Variants in FSTL5 observed in about 807,000 individuals in gnomAD.
The protein encoded by FSTL5 is follistatin-related protein 5.
Under a neutral mutation model 89.1 loss-of-function variants are expected in FSTL5, and 62 were observed. The observed-to-expected ratio is 0.70, with a 90% CI of 0.57 to 0.86. The LOEUF is 0.86. FSTL5 is among the 40% of genes least tolerant of loss of function. The probability of loss-of-function intolerance (pLI) is 0.00; values close to 1 mark genes in which losing one functional copy is unlikely to be tolerated. For synonymous variants in FSTL5, 383 were observed against 346.2 expected (o/e 1.11, Z -1.18); for missense variants, 1,057 against 1,001.6 (o/e 1.06, Z -0.75).
chr4:161,681,913 C>A (rs1737538743), intron 6 of FSTL5, among the ~76,000 whole-genome samples: 1 of 152,056 alleles, frequency 6.6e-6, no homozygotes, highest in Non-Finnish European at 1.5e-5. Context: ...GTAATTTCAT[C>A]TTTGTGTGAA....
At chr4:161,747,525 G>A (rs1047518576) in intron 6 of FSTL5, among the ~76,000 whole-genome samples, 3 of 152,098 alleles carry the variant, frequency 2.0e-5, no homozygotes, top group Admixed American at 6.5e-5. Context: ...TTCTCTAGAC[G>A]GTACCTGCAA....
intron 4 of FSTL5, among the ~76,000 whole-genome samples, chr4:161,779,819 A>ATATATG (rs1741588853): frequency 1.3e-5 from 1 of 79,908 alleles, no homozygotes; most frequent in East Asian, 3.4e-4. Context: ...ATGTATATAT[A>ATATATG]TATATATATA....
chr4:161,724,461 C>T (rs1169619039), intron 6 of FSTL5, among the ~76,000 whole-genome samples: 1 of 151,908 alleles, frequency 6.6e-6, no homozygotes, highest in South Asian at 2.1e-4. Context: ...TGTATATATA[C>T]AAAATAGTTG....
At chr4:161,941,068 G>C (rs1734567923) in intron 3 of FSTL5, among the ~76,000 whole-genome samples, 1 of 151,724 alleles carries the variant, frequency 6.6e-6, no homozygotes, top group African/African-American at 2.4e-5. Context: ...TACTATTAAG[G>C]CTATGATGAT....
At chr4:161,835,280 TAC>T (rs1467906983) in intron 4 of FSTL5, among the ~76,000 whole-genome samples, 4 of 152,074 alleles carry the variant, frequency 2.6e-5, no homozygotes, top group Non-Finnish European at 5.9e-5. Flanking sequence ...ATCCCTTCCT[TAC>T]ACCTTATACA....
At chr4:161,436,332 C>G (rs1377380758) in intron 15 of FSTL5, among the ~76,000 whole-genome samples, 1 of 152,166 alleles carries the variant, frequency 6.6e-6, no homozygotes. Flanking sequence ...TTTCTTCTAA[C>G]TTTTAGGGAG....
intron 3 of FSTL5, among the ~76,000 whole-genome samples, chr4:161,976,701 C>T (rs10023884): frequency 0.25 from 38,126 of 151,874 alleles, 5,717 homozygotes; most frequent in African/African-American, 0.42. Flanking sequence ...CAGGATGGTC[C>T]TGATCTCCTG....
At chr4:161,947,393 A>C (rs1001874404) in intron 3 of FSTL5, among the ~76,000 whole-genome samples, 2 of 152,238 alleles carry the variant, frequency 1.3e-5, no homozygotes, top group East Asian at 3.9e-4. Flanking sequence ...TTTTAAGACT[A>C]TGATACATCT....
rs559342512 is a variant in FSTL5, at chr4:161,528,978, T to C, written c.1312+9188A>G. Among the ~76,000 whole-genome samples, 4 of 143,474 alleles carry C rather than the reference T, an allele frequency of 2.8e-5. 1 individual carries two copies. The highest frequency in any genetic ancestry group is 4.8e-4 in the South Asian group (2 of 4,180). 94.1% of individuals were successfully genotyped at this position (143,474 alleles called of 152,430 possible). On this transcript the variant is annotated intron_variant, in intron 10 of 15. Coordinates refer to ENST00000306100, the MANE Select transcript of FSTL5 (RefSeq NM_020116.5). The stretch of plus-strand genomic sequence containing the variant: ...AAATTTCATCATCATCATCAACTTA[T>C]CCTAAAATAAATTAGTCACATTGGC...
intron 4 of FSTL5, among the ~76,000 whole-genome samples, chr4:161,911,825 C>T (rs1249029101): frequency 6.6e-6 from 1 of 152,100 alleles, no homozygotes; most frequent in East Asian, 1.9e-4. Flanking sequence ...GCTAATTATT[C>T]ATGCTTTTTT....
At chr4:162,018,969 T>C (rs991567668) in intron 3 of FSTL5, among the ~76,000 whole-genome samples, 3 of 152,148 alleles carry the variant, frequency 2.0e-5, no homozygotes, top group Non-Finnish European at 4.4e-5. Flanking sequence ...AATCCACTGA[T>C]AACTAAATAT....
intron 4 of FSTL5, among the ~76,000 whole-genome samples, chr4:161,804,615 T>A (rs1277903558): frequency 6.6e-6 from 1 of 152,056 alleles, no homozygotes; most frequent in East Asian, 1.9e-4. Context: ...TATATTACCT[T>A]TTAAATTAAA....
intron 2 of FSTL5, among the ~76,000 whole-genome samples, chr4:162,108,839 G>A (rs2111401657): frequency 6.6e-6 from 1 of 151,644 alleles, no homozygotes; most frequent in Admixed American, 6.6e-5. Flanking sequence ...AGCCTTATTA[G>A]AGCCATCTGA....
At chr4:161,398,646 T>C (rs1393531821) in intron 15 of FSTL5, among the ~76,000 whole-genome samples, 1 of 151,944 alleles carries the variant, frequency 6.6e-6, no homozygotes, top group African/African-American at 2.4e-5. Flanking sequence ...TTGTATCAGT[T>C]AGTCTCAATT....
chr4:161,424,547 T>C (rs891662498), intron 15 of FSTL5, among the ~76,000 whole-genome samples: 1 of 151,944 alleles, frequency 6.6e-6, no homozygotes, highest in African/African-American at 2.4e-5. Flanking sequence ...AAAAAAATGG[T>C]TTTCTTTTGT....
At chr4:161,640,042 T>C (rs1244407663) in intron 7 of FSTL5, among the ~76,000 whole-genome samples, 8 of 152,166 alleles carry the variant, frequency 5.3e-5, no homozygotes, top group Admixed American at 5.2e-4. Flanking sequence ...CAGAGAAAAC[T>C]AGAAAGTGTC....
chr4:161,766,929 TAG>T (rs1560833669), intron 5 of FSTL5, among the ~76,000 whole-genome samples: 4 of 151,910 alleles, frequency 2.6e-5, no homozygotes, highest in African/African-American at 9.7e-5. Context: ...GATAGATAGA[TAG>T]ATAGATAGAT....
intron 1 of FSTL5, among the ~76,000 whole-genome samples, chr4:162,115,797 C>T (rs1731614954): frequency 6.6e-6 from 1 of 152,044 alleles, no homozygotes; most frequent in East Asian, 1.9e-4. Context: ...TTATTTTCTC[C>T]GCATGGCAAA....
chr4:161,617,401 A>G (rs1044929145), intron 7 of FSTL5, among the ~76,000 whole-genome samples: 7 of 152,144 alleles, frequency 4.6e-5, no homozygotes, highest in Admixed American at 3.9e-4. Flanking sequence ...GGAACAATAT[A>G]AAGTGACAAA....
Sources: allele counts gnomAD v4.1 joint callset (sites outside exome capture counted in the v4.1 genomes callset), GRCh38; gene constraint gnomAD v4.1.1; transcripts MANE v1.5; gene names NCBI Gene and HGNC (gene_info 2026-07-23, HGNC 2026-07-21).